Variants in PPP3CA observed in about 807,000 individuals in gnomAD.
PPP3CA encodes CAM-PRP catalytic subunit.
Under a neutral mutation model 66.5 loss-of-function variants are expected in PPP3CA, and 14 were observed. The observed-to-expected ratio is 0.21, with a 90% CI of 0.14 to 0.33. The LOEUF (loss-of-function observed/expected upper bound fraction) is 0.33. Among genes scored for constraint, PPP3CA ranks in the 10% least tolerant of loss-of-function variants. PPP3CA has a pLI of 1.00. For missense variants in PPP3CA, 317 were observed against 639.5 expected (o/e 0.50, Z 5.44); for synonymous variants, 232 against 226.2 (o/e 1.03, Z -0.23).
chr4:101,323,853 C>T (rs766814034), intron 1 of PPP3CA, among the ~76,000 whole-genome samples: 4 of 151,980 alleles, frequency 2.6e-5, no homozygotes, highest in Non-Finnish European at 4.4e-5. Context: ...GTGGCTCATG[C>T]CTCCCAGCAC....
At chr4:101,240,794 C>T (rs1364763792) in intron 1 of PPP3CA, 2 of 152,136 alleles carry the variant, frequency 1.3e-5, no homozygotes, top group Non-Finnish European at 2.9e-5. Context: ...CAAGTCAACA[C>T]AGATTTGCCC....
intron 10 of PPP3CA, among the ~76,000 whole-genome samples, chr4:101,047,677 G>A (rs1370138541): frequency 6.6e-6 from 1 of 151,936 alleles, no homozygotes; most frequent in East Asian, 1.9e-4. Flanking sequence ...GCTGGACTAG[G>A]ACTCCTGGGC....
intron 2 of PPP3CA, among the ~76,000 whole-genome samples, chr4:101,117,656 A>G (rs563278489): frequency 1.3e-5 from 2 of 151,824 alleles, no homozygotes; most frequent in East Asian, 1.9e-4. Flanking sequence ...TATAATTACA[A>G]TATATAATTA....
chr4:101,159,548 T>A (rs1047917038), intron 2 of PPP3CA, among the ~76,000 whole-genome samples: 1 of 152,170 alleles, frequency 6.6e-6, no homozygotes, highest in Non-Finnish European at 1.5e-5. Flanking sequence ...GTCACTTGAG[T>A]GAACTAGACT....
chr4:101,289,790 ATC>A (rs1242226184), intron 1 of PPP3CA, among the ~76,000 whole-genome samples: 2 of 151,976 alleles, frequency 1.3e-5, no homozygotes, highest in East Asian at 1.9e-4. Context: ...ACTTCTGTGA[ATC>A]TGTCTCATTC....
intron 1 of PPP3CA, among the ~76,000 whole-genome samples, chr4:101,202,491 C>T (rs1245993456): frequency 1.3e-5 from 2 of 152,046 alleles, no homozygotes; most frequent in African/African-American, 4.8e-5. Context: ...TATTTATGCA[C>T]AGAATGGATA....
intron 2 of PPP3CA, among the ~76,000 whole-genome samples, chr4:101,131,237 AAAATAAAT>A (rs140632196): frequency 0.1 from 13,893 of 138,574 alleles, 874 homozygotes; most frequent in Middle Eastern, 0.14. Context: ...ACTCCGTCTC[AAAATAAAT>A]AAATAAATAA....
chr4:101,030,097 G>GTAAT (rs1400898499), intron 12 of PPP3CA, among the ~76,000 whole-genome samples: 2 of 152,108 alleles, frequency 1.3e-5, no homozygotes, highest in Non-Finnish European at 2.9e-5. Flanking sequence ...AGCAATTTTT[G>GTAAT]TAATAAGGTT....
chr4:101,286,714 G>A (rs2850352), intron 1 of PPP3CA, among the ~76,000 whole-genome samples: 47,593 of 151,958 alleles, frequency 0.31, 10,433 homozygotes, highest in African/African-American at 0.59. Context: ...TCCAAAACTG[G>A]TAGTTTACAC....
At chr4:101,205,921 A>AT (rs1228649446) in intron 1 of PPP3CA, among the ~76,000 whole-genome samples, 1 of 152,166 alleles carries the variant, frequency 6.6e-6, no homozygotes, top group Non-Finnish European at 1.5e-5. Context: ...AGATTGAAAT[A>AT]TTTTGCCTGA....
chr4:101,054,227 G>A (rs1372619706), intron 10 of PPP3CA, among the ~76,000 whole-genome samples: 1 of 151,920 alleles, frequency 6.6e-6, no homozygotes, highest in African/African-American at 2.4e-5. Context: ...ATGCTAAAAT[G>A]AGTTGCTCAG....
In PPP3CA at chr4:101,025,903, T is replaced by A. The variant is rs1171177832; in HGVS notation, c.1528A>T (p.Thr510Ser). 6.3e-7 allele frequency: 1 copy of A among 1,595,640 alleles called. No individual in the cohort carries two copies. The highest frequency in any genetic ancestry group is 1.7e-5 in the Admixed American group (1 of 58,548). Residue 510 changes from threonine to serine, a missense_variant, in exon 14 of 14, where the codon ACG (threonine) becomes TCG (serine). Around this residue, in one of 3 missense-constraint regions of PPP3CA, gnomAD observed 40 missense variants for 38.6 expected, o/e 1.04. Coordinates refer to ENST00000394854, the MANE Select transcript of PPP3CA (RefSeq NM_000944.5). ...CTGCTATTACTGCCATTGCTGTCCGTGCCGTTAGTCTCTGAGGTGAGAGCC... is the reference window on the plus strand; with the variant it reads ...CTGCTATTACTGCCATTGCTGTCCGAGCCGTTAGTCTCTGAGGTGAGAGCC... Reference protein sequence around the residue: ...NKALTSETNGTDSNGSNSSNI... With the variant: ...NKALTSETNGSDSNGSNSSNI...
At chr4:101,067,589 A>G (rs747358931) in intron 8 of PPP3CA, among the ~76,000 whole-genome samples, 5 of 149,146 alleles carry the variant, frequency 3.4e-5, no homozygotes, top group Non-Finnish European at 7.4e-5. Context: ...ACATTTCGCA[A>G]CATGCTCTCT....
chr4:101,239,210 A>G (rs1726223199), intron 1 of PPP3CA, among the ~76,000 whole-genome samples: 1 of 152,130 alleles, frequency 6.6e-6, no homozygotes, highest in South Asian at 2.1e-4. Flanking sequence ...CACCCTTCTC[A>G]GAAGCAAATA....
intron 6 of PPP3CA, among the ~76,000 whole-genome samples, chr4:101,091,608 C>A (rs1442637711): frequency 1.3e-5 from 2 of 151,536 alleles, no homozygotes; most frequent in Non-Finnish European, 2.9e-5. Flanking sequence ...CTTTTTTTCC[C>A]CCATAAGAAA....
intron 1 of PPP3CA, among the ~76,000 whole-genome samples, chr4:101,249,437 A>C (rs1210967066): frequency 6.6e-6 from 1 of 152,160 alleles, no homozygotes; most frequent in African/African-American, 2.4e-5. Flanking sequence ...CCTTGGAACA[A>C]GATTGCTAGA....
chr4:101,224,963 A>C (rs1205807689), intron 1 of PPP3CA, among the ~76,000 whole-genome samples: 1 of 151,688 alleles, frequency 6.6e-6, no homozygotes, highest in African/African-American at 2.4e-5. Context: ...ACTCTGCACC[A>C]GTCAACCCAA....
chr4:101,208,538 TAAGG>T (rs1293634274), intron 1 of PPP3CA, among the ~76,000 whole-genome samples: 1 of 152,194 alleles, frequency 6.6e-6, no homozygotes, highest in South Asian at 2.1e-4. Flanking sequence ...ACGATAGTCC[TAAGG>T]AACATCAGGG....
intron 3 of PPP3CA, among the ~76,000 whole-genome samples, chr4:101,102,060 G>A (rs181845180): frequency 1.4e-3 from 220 of 152,104 alleles, no homozygotes; most frequent in African/African-American, 4.9e-3. Flanking sequence ...ACCTCAAAGC[G>A]GGATATATAA....
Sources: gnomAD v4.1 joint callset for allele counts (sites outside exome capture counted in the v4.1 genomes callset) on GRCh38, gnomAD v4.1.1 for gene constraint, gnomAD v4.1.1 regional missense constraint, MANE v1.5 for transcripts, NCBI Gene and HGNC (gene_info 2026-07-23, HGNC 2026-07-21) for gene names.